Variants in PCDHA2 observed in about 807,000 individuals in gnomAD.
PCDHA2 encodes the protein protocadherin alpha 2.
Under a neutral mutation model 66.0 loss-of-function variants are expected in PCDHA2, and 58 were observed. That is an observed-to-expected ratio of 0.88 (90% CI 0.71 to 1.09). The LOEUF is 1.09. PCDHA2 is among the 50% of genes least tolerant of loss of function. The pLI, the probability that PCDHA2 is intolerant of heterozygous loss-of-function variation, is 0.00. For missense variants in PCDHA2, 1,267 were observed against 1,242.3 expected, an observed-to-expected ratio of 1.02 and a Z score of -0.30; for synonymous variants, 634 against 554.0, an observed-to-expected ratio of 1.14 and a Z score of -2.03.
chr5:140,872,332 T>G (rs2053600467), intron 1 of PCDHA2, among the ~76,000 whole-genome samples: 1 of 152,172 alleles, frequency 6.6e-6, no homozygotes, highest in African/African-American at 2.4e-5. Context: ...ATGACTAAAA[T>G]TCTACATGTT....
intron 1 of PCDHA2, chr5:140,884,167 G>A: frequency 4.3e-6 from 7 of 1,613,412 alleles, no homozygotes; most frequent in Non-Finnish European, 5.1e-6. Context: ...AGATCAGCAC[G>A]ACGCGCCCTC....
rs1214081504 is a variant in PCDHA2, at chr5:140,848,716, T to C, written c.2388+51364T>C. On this transcript the variant is annotated intron_variant, in intron 1 of 3. Coordinates refer to ENST00000526136, the MANE Select transcript of PCDHA2 (RefSeq NM_018905.3). Reference sequence around the variant, plus strand: ...TTGGATTCCAAAGGCCGCGGGGACCTTCTGGAGGTAAATCTGCAGAATGGC... The same window carrying C: ...TTGGATTCCAAAGGCCGCGGGGACCCTCTGGAGGTAAATCTGCAGAATGGC... 1 of 1,592,460 alleles carries C rather than the reference T, an allele frequency of 6.3e-7. No homozygotes were observed.
Position 141,010,878 on chromosome 5 carries a change from A to C in PCDHA2, c.*941A>C, listed in dbSNP as rs2098418656. 1.3e-5 allele frequency: 2 copies of C among 153,770 alleles called. No homozygotes were observed. Among genetic ancestry groups the C allele is most frequent in the South Asian group, 4.1e-4 (2 of 4,830 alleles). The allele number at this position is 153,770 out of a possible 1,614,324, so 9.5% of individuals were successfully genotyped here. ...GAAAGTCTATAGCTATAAATCTTTA[A>C]AGAGAAATATGAATACAATTCCCCT... On this transcript the variant is annotated 3_prime_UTR_variant, in exon 4 of 4. Transcript: ENST00000526136.
rs530025575 is a variant in PCDHA2 at position 140,922,023 on chromosome 5, TA to T, written c.2389-56920del. On this transcript the variant is annotated intron_variant, in intron 1 of 3. Coordinates refer to ENST00000526136, the MANE Select transcript of PCDHA2 (RefSeq NM_018905.3). ...AATGATTAGTTTAAAAAAATAAATA[TA>T]AAAAATGTAATTTTCCCACATACCT... Among the ~76,000 whole-genome samples, 1,214 of 152,080 alleles carry T rather than the reference TA, an allele frequency of 8.0e-3. 6 individuals carry two copies. The highest frequency in any genetic ancestry group is 0.019 in the African/African-American group (784 of 41,506).
In PCDHA2 at chr5:140,869,909, G is replaced by A. The variant is rs781996593; in HGVS notation, c.2388+72557G>A. ...GTGCTCAAACTAAACGCCACAGACCGAGACGAAGGAGTCAATGGAGAGGTA... is the reference window on the plus strand; with the variant it reads ...GTGCTCAAACTAAACGCCACAGACCAAGACGAAGGAGTCAATGGAGAGGTA... On this transcript the variant is annotated intron_variant, in intron 1 of 3. Transcript: ENST00000526136. 2.6e-5 allele frequency: 42 copies of A among 1,610,632 alleles called. No individual in the cohort carries two copies. Among genetic ancestry groups the A allele is most frequent in the Non-Finnish European group, 3.1e-5 (36 of 1,178,298 alleles).
At chr5:140,839,814 T>A (rs2150301148) in intron 1 of PCDHA2, among the ~76,000 whole-genome samples, 9,024 of 152,086 alleles carry the variant, frequency 0.059, 964 homozygotes, top group African/African-American at 0.21. Flanking sequence ...AATTGCCTAC[T>A]ATGAAGGCAT....
At chr5:140,984,693 A>G (rs1587034361) in intron 3 of PCDHA2, among the ~76,000 whole-genome samples, 1 of 152,264 alleles carries the variant, frequency 6.6e-6, no homozygotes, top group East Asian at 1.9e-4. Flanking sequence ...TATGTTCTGC[A>G]CTGCTTGGAG....
chr5:140,843,415 G>A (rs2150359556), intron 1 of PCDHA2: 2 of 1,596,114 alleles, frequency 1.3e-6, no homozygotes, highest in East Asian at 2.2e-5. Context: ...ATGTCAACGT[G>A]TACCTGATCA....
intron 1 of PCDHA2, among the ~76,000 whole-genome samples, chr5:140,833,035 T>C (rs1192645027): frequency 2.6e-5 from 4 of 152,298 alleles, no homozygotes; most frequent in South Asian, 2.1e-4. Context: ...GAGAGTGTGA[T>C]ATAAAGCAAG....
intron 1 of PCDHA2, chr5:140,968,517 C>T: frequency 6.2e-7 from 1 of 1,614,206 alleles, no homozygotes; most frequent in Non-Finnish European, 8.5e-7. Flanking sequence ...TACCCTACCT[C>T]AACCAACTCG....
chr5:140,799,162 A>G (rs2149936081), intron 1 of PCDHA2, among the ~76,000 whole-genome samples: 1 of 152,266 alleles, frequency 6.6e-6, no homozygotes, highest in East Asian at 1.9e-4. Flanking sequence ...GTGGTAGTAG[A>G]AATTATTCAC....
intron 1 of PCDHA2, among the ~76,000 whole-genome samples, chr5:140,965,377 A>G (rs1479954226): frequency 6.6e-6 from 1 of 152,190 alleles, no homozygotes; most frequent in Non-Finnish European, 1.5e-5. Flanking sequence ...AAACTTGGGG[A>G]CACAGAAGAA....
Position 140,967,862 on chromosome 5 carries a change from G to T in PCDHA2, c.2389-11087G>T, listed in dbSNP as rs781878230. On this transcript the variant is annotated intron_variant, in intron 1 of 3. Transcript: ENST00000526136. ...CGTGAATGACAATGCCCCAGAGGTG[G>T]TGCTCACGGACCTGTATAGCCCAGT... The T allele has an allele frequency of 8.1e-6, 13 of 1,614,170 alleles. No individual in the cohort carries two copies. The East Asian group carries it at 2.5e-4, about 30-fold the overall frequency.
chr5:140,943,276 AAGAAAG>A (rs2093462778), intron 1 of PCDHA2, among the ~76,000 whole-genome samples: 3 of 135,982 alleles, frequency 2.2e-5, no homozygotes, highest in African/African-American at 8.7e-5. Flanking sequence ...AAAAAAAAAA[AAGAAAG>A]AAAGAATTAA....
intron 1 of PCDHA2, among the ~76,000 whole-genome samples, chr5:140,942,271 A>G (rs1421470016): frequency 6.6e-6 from 1 of 152,184 alleles, no homozygotes; most frequent in Non-Finnish European, 1.5e-5. Context: ...AAAGCTGGTA[A>G]TGGTGGCTCA....
At chr5:140,882,646 T>C (rs1554175002) in intron 1 of PCDHA2, 1 of 1,614,112 alleles carries the variant, frequency 6.2e-7, no homozygotes, top group South Asian at 1.1e-5. Flanking sequence ...TGAGGGACAT[T>C]AACGACAACC....
In PCDHA2 at chr5:140,820,651, T is replaced by A. The variant is rs2150107466; in HGVS notation, c.2388+23299T>A. On this transcript the variant is annotated intron_variant, in intron 1 of 3. Coordinates refer to ENST00000526136, the MANE Select transcript of PCDHA2 (RefSeq NM_018905.3). ...AGTAAACAGTTGGGAGATTAAAAAG[T>A]AATTAAACTAATATAAAGATAGCCT... Among the ~76,000 whole-genome samples the A allele has an allele frequency of 2.6e-5, 4 of 152,146 alleles. No homozygotes were observed. In the East Asian group the frequency reaches 5.8e-4, roughly 22 times the overall value.
rs2150255716 is a variant in PCDHA2 at position 140,836,221 on chromosome 5, C to T, written c.2388+38869C>T. ...GCGTGGCTTTCGTATGAGTTGCAAC[C>T]GGTGGCGGCCGGTGCGAGCATCCCG... On this transcript the variant is annotated intron_variant, in intron 1 of 3. Transcript: ENST00000526136. 9.9e-6 allele frequency: 16 copies of T among 1,613,802 alleles called. No homozygotes were observed. In the Admixed American group the frequency reaches 2.0e-4, roughly 20 times the overall value.
intron 1 of PCDHA2, among the ~76,000 whole-genome samples, chr5:140,840,242 T>G (rs113669357): frequency 0.011 from 1,735 of 152,166 alleles, 51 homozygotes; most frequent in African/African-American, 0.04. Context: ...AGAATCACTA[T>G]GCTATAAAAA....
Sources: gnomAD v4.1 joint callset for allele counts (sites outside exome capture counted in the v4.1 genomes callset) on GRCh38, gnomAD v4.1.1 for gene constraint, MANE v1.5 for transcripts, NCBI Gene and HGNC (gene_info 2026-07-23, HGNC 2026-07-21) for gene names.